ENOX1: variants seen among roughly 807,000 people sequenced by gnomAD.
ENOX1 encodes the protein ecto-NOX disulfide-thiol exchanger 1.
In ENOX1, 42 loss-of-function variants were observed where a neutral mutation model predicts 82.5. The observed-to-expected ratio is 0.51, with a 90% CI of 0.40 to 0.66. The LOEUF is 0.66. Among genes scored for constraint, ENOX1 ranks in the 30% least tolerant of loss-of-function variants. The pLI, the probability that ENOX1 is intolerant of heterozygous loss-of-function variation, is 0.00. For missense variants in ENOX1, 608 were observed against 811.6 expected (o/e 0.75, Z 3.05); for synonymous variants, 271 against 282.2 (o/e 0.96, Z 0.40).
intron 14 of ENOX1, among the ~76,000 whole-genome samples, chr13:43,239,686 C>G (rs2042721415): frequency 6.6e-6 from 1 of 152,164 alleles, no homozygotes; most frequent in African/African-American, 2.4e-5. Flanking sequence ...CTGACAAAGT[C>G]ACAGAGCTAA....
chr13:43,640,580 T>C (rs2083592601), intron 2 of ENOX1, among the ~76,000 whole-genome samples: 1 of 152,180 alleles, frequency 6.6e-6, no homozygotes. Context: ...AGTAGTTACT[T>C]GAGTAATATG....
intron 1 of ENOX1, among the ~76,000 whole-genome samples, chr13:43,693,626 T>A (rs1250253272): frequency 6.6e-6 from 1 of 152,200 alleles, no homozygotes; most frequent in Non-Finnish European, 1.5e-5. Context: ...GCTAATTTCC[T>A]TTCTCTGTCT....
intron 5 of ENOX1, among the ~76,000 whole-genome samples, chr13:43,397,148 T>A (rs1008271660): frequency 6.6e-6 from 1 of 152,228 alleles, no homozygotes; most frequent in Non-Finnish European, 1.5e-5. Flanking sequence ...CCAGCAAGGA[T>A]GACATAGAAA....
chr13:43,254,923 C>T (rs2043660515), intron 14 of ENOX1, among the ~76,000 whole-genome samples: 1 of 151,996 alleles, frequency 6.6e-6, no homozygotes, highest in Non-Finnish European at 1.5e-5. Flanking sequence ...AGTTCAGAAC[C>T]TGATGGTTTC....
chr13:43,784,614 TAATTG>T (rs1022861150), intron 1 of ENOX1, among the ~76,000 whole-genome samples: 7 of 152,358 alleles, frequency 4.6e-5, no homozygotes, highest in Admixed American at 2.0e-4. Context: ...ATCTTAAAAA[TAATTG>T]AATTGTTCTC....
chr13:43,753,459 G>C (rs1950427125), intron 1 of ENOX1, among the ~76,000 whole-genome samples: 1 of 152,054 alleles, frequency 6.6e-6, no homozygotes, highest in Non-Finnish European at 1.5e-5. Context: ...GTTCCTGACT[G>C]TTCATTGCTG....
chr13:43,674,846 A>G (rs1404770570), intron 1 of ENOX1, among the ~76,000 whole-genome samples: 1 of 152,160 alleles, frequency 6.6e-6, no homozygotes, highest in Non-Finnish European at 1.5e-5. Flanking sequence ...GTGGGGAGCT[A>G]TATGGGAAAT....
At chr13:43,719,760 G>A (rs554094789) in intron 1 of ENOX1, among the ~76,000 whole-genome samples, 1 of 152,064 alleles carries the variant, frequency 6.6e-6, no homozygotes, top group Non-Finnish European at 1.5e-5. Flanking sequence ...ACACCTTTTG[G>A]CTATGGAGCT....
chr13:43,404,595 T>C, intron 5 of ENOX1, among the ~76,000 whole-genome samples: 1 of 152,202 alleles, frequency 6.6e-6, no homozygotes, highest in South Asian at 2.1e-4. Flanking sequence ...CTTTGTAACA[T>C]CCCACAATTA....
chr13:43,228,806 C>T (rs1301586699), intron 15 of ENOX1, among the ~76,000 whole-genome samples: 2 of 152,124 alleles, frequency 1.3e-5, no homozygotes, highest in Non-Finnish European at 2.9e-5. Context: ...GTGAGCAACA[C>T]AGATAATAAA....
At chr13:43,318,993 G>A (rs1338359294) in intron 11 of ENOX1, among the ~76,000 whole-genome samples, 1 of 152,076 alleles carries the variant, frequency 6.6e-6, no homozygotes, top group African/African-American at 2.4e-5. Flanking sequence ...GGAAGGGAGT[G>A]GAAAAGGGTA....
At chr13:43,562,200 TAAATAG>T (rs1277058749) in intron 2 of ENOX1, among the ~76,000 whole-genome samples, 1 of 151,964 alleles carries the variant, frequency 6.6e-6, no homozygotes, top group Non-Finnish European at 1.5e-5. Flanking sequence ...CAATAACATA[TAAATAG>T]AAACAATAAA....
chr13:43,770,097 G>A (rs1215585262), intron 1 of ENOX1, among the ~76,000 whole-genome samples: 1 of 152,240 alleles, frequency 6.6e-6, no homozygotes, highest in Non-Finnish European at 1.5e-5. Flanking sequence ...GGAAACAAAT[G>A]TCTATCAGTA....
chr13:43,561,258 A>T (rs1450979623), intron 2 of ENOX1, among the ~76,000 whole-genome samples: 2 of 152,174 alleles, frequency 1.3e-5, no homozygotes, highest in Non-Finnish European at 2.9e-5. Flanking sequence ...CTGGTTTGGC[A>T]GGCAAAGAAT....
chr13:43,360,055 G>A lies in ENOX1; in HGVS notation c.385C>T (p.Leu129Phe). ...CGTTCTCTTGTGGAAGGAGGTGGAA[G>A]ATCTAATAATCACAACAAAACAGAA... ...SCTLFPQNPN[L>F]PPPSTRERPP... Residue 129 changes from leucine (L) to phenylalanine (F), a missense_variant and splice_region_variant, in exon 7 of 17, where the codon CTT becomes TTT. Physicochemically the swap from Leu to Phe is conservative, Grantham distance 22. Coordinates refer to ENST00000690772, the MANE Select transcript of ENOX1 (RefSeq NM_001347969.2). 1 of 1,613,896 alleles carries A rather than the reference G, an allele frequency of 6.2e-7. No homozygotes were observed. Among genetic ancestry groups the A allele is most frequent in the Non-Finnish European group, 8.5e-7 (1 of 1,179,790 alleles).
chr13:43,422,984 G>A (rs1425757050), intron 3 of ENOX1, among the ~76,000 whole-genome samples: 1 of 152,186 alleles, frequency 6.6e-6, no homozygotes, highest in Non-Finnish European at 1.5e-5. Context: ...ATGGTAATAT[G>A]TAGGGATTGG....
intron 2 of ENOX1, among the ~76,000 whole-genome samples, chr13:43,600,049 G>A (rs1175836265): frequency 6.6e-6 from 1 of 152,064 alleles, no homozygotes; most frequent in Non-Finnish European, 1.5e-5. Flanking sequence ...TGAGCTTTGG[G>A]TAAGACTCAG....
At chr13:43,321,099 C>T (rs974869690) in intron 11 of ENOX1, 1 of 455,970 alleles carries the variant, frequency 2.2e-6, no homozygotes, top group African/African-American at 2.0e-5. Flanking sequence ...ATGTTAAGCA[C>T]CTGAAAGATT....
At chr13:43,436,821 G>GT (rs2056060759) in intron 3 of ENOX1, among the ~76,000 whole-genome samples, 1 of 152,086 alleles carries the variant, frequency 6.6e-6, no homozygotes, top group African/African-American at 2.4e-5. Context: ...GCTAATAAGT[G>GT]TAAGAGAGAT....
Sources: gnomAD v4.1 joint callset for allele counts (sites outside exome capture counted in the v4.1 genomes callset) on GRCh38, gnomAD v4.1.1 for gene constraint, MANE v1.5 for transcripts, NCBI Gene and HGNC (gene_info 2026-07-23, HGNC 2026-07-21) for gene names.